BRD10: variants seen among roughly 807,000 people sequenced by gnomAD.
The protein encoded by BRD10 is bromodomain containing 10.
At chr9:5,927,744 G>C in the BRD10 span, among the ~76,000 whole-genome samples, 1 of 151,926 alleles carries the variant, frequency 6.6e-6, no homozygotes, top group Non-Finnish European at 1.5e-5. Context: ...CTATCTTCCT[G>C]TTTTACTGAG....
chr9:5,923,384 G>C, the BRD10 span: 5 of 1,154,768 alleles, frequency 4.3e-6, no homozygotes, highest in South Asian at 3.1e-5. Flanking sequence ...CTGTAAAAAA[G>C]AAAGTCAATC....
the BRD10 span, among the ~76,000 whole-genome samples, chr9:5,979,941 G>A: frequency 6.6e-6 from 1 of 151,092 alleles, no homozygotes; most frequent in South Asian, 2.1e-4. Flanking sequence ...CTTGAACCTG[G>A]GAGGTGGAGG....
the BRD10 span, chr9:5,921,398 G>C: frequency 6.2e-7 from 1 of 1,613,960 alleles, no homozygotes; most frequent in East Asian, 2.2e-5. Context: ...ATGCAATGGA[G>C]GAGGAAGAGT....
the BRD10 span, among the ~76,000 whole-genome samples, chr9:5,989,377 G>C: frequency 6.8e-6 from 1 of 147,916 alleles, no homozygotes; most frequent in African/African-American, 2.5e-5. Flanking sequence ...GCTGCAATGA[G>C]CTGAGATCGT....
the BRD10 span, among the ~76,000 whole-genome samples, chr9:5,974,779 A>ATATCTCTC: frequency 6.6e-6 from 1 of 152,208 alleles, no homozygotes; most frequent in Non-Finnish European, 1.5e-5. Flanking sequence ...ATTAGAGAAC[A>ATATCTCTC]TAGTGCCTGT....
the BRD10 span, among the ~76,000 whole-genome samples, chr9:5,996,183 G>T: frequency 1.1e-3 from 168 of 152,218 alleles, no homozygotes; most frequent in African/African-American, 4.0e-3. Context: ...AAAAATAAAT[G>T]TATTTATTCC....
chr9:5,968,351 A>G, the BRD10 span: 5 of 1,610,676 alleles, frequency 3.1e-6, no homozygotes, highest in Middle Eastern at 1.6e-4. Flanking sequence ...ACTGGGTTCA[A>G]TCTTTATTCT....
At chr9:5,909,781 A>G in the BRD10 span, 2 of 152,198 alleles carry the variant, frequency 1.3e-5, no homozygotes, top group East Asian at 3.8e-4. Flanking sequence ...AATCCCTCTC[A>G]CAAGAATGTG....
chr9:5,968,620 T>G, the BRD10 span: 5 of 1,613,784 alleles, frequency 3.1e-6, no homozygotes, highest in Middle Eastern at 1.6e-4. Context: ...TTTCCTGCTC[T>G]TTCTTGAAGG....
the BRD10 span, among the ~76,000 whole-genome samples, chr9:5,999,239 A>G: frequency 1.3e-5 from 2 of 152,098 alleles, no homozygotes; most frequent in African/African-American, 2.4e-5. Context: ...TCAAAGAAAC[A>G]AAACAACTAA....
the BRD10 span, among the ~76,000 whole-genome samples, chr9:5,967,707 A>AAC: frequency 7.3e-5 from 11 of 151,258 alleles, no homozygotes; most frequent in African/African-American, 1.2e-4. Flanking sequence ...AAAAAAAAAA[A>AAC]AAAACACACA....
At chr9:5,962,365 T>C in the BRD10 span, among the ~76,000 whole-genome samples, 14 of 112,088 alleles carry the variant, frequency 1.2e-4, no homozygotes, top group Non-Finnish European at 2.4e-4. Flanking sequence ...CAGGAAGAAG[T>C]TGAATCTCTG....
At chr9:6,002,205 C>G in the BRD10 span, among the ~76,000 whole-genome samples, 2 of 152,194 alleles carry the variant, frequency 1.3e-5, no homozygotes. Context: ...GCCCCCCAAA[C>G]CCTAGAACAA....
the BRD10 span, among the ~76,000 whole-genome samples, chr9:5,887,740 T>C: frequency 6.6e-6 from 1 of 152,218 alleles, no homozygotes; most frequent in East Asian, 1.9e-4. Context: ...TTCCCTGAGA[T>C]AGCCTCCACT....
At chr9:5,976,115 G>C in the BRD10 span, among the ~76,000 whole-genome samples, 1 of 152,076 alleles carries the variant, frequency 6.6e-6, no homozygotes, top group African/African-American at 2.4e-5. Flanking sequence ...CTGAGTCATG[G>C]GCTTGAAGTT....
the BRD10 span, among the ~76,000 whole-genome samples, chr9:5,932,199 TTAAC>T: frequency 1.9e-4 from 29 of 152,252 alleles, 1 homozygote; most frequent in Middle Eastern, 6.8e-3. Context: ...AATTAGGTCA[TTAAC>T]TAAAAGCTAC....
the BRD10 span, among the ~76,000 whole-genome samples, chr9:5,980,087 G>C: frequency 2.6e-5 from 4 of 151,954 alleles, no homozygotes; most frequent in African/African-American, 9.7e-5. Context: ...AATAAACAAG[G>C]TATACAAAAT....
chr9:5,930,684 T>C, the BRD10 span, among the ~76,000 whole-genome samples: 5 of 152,036 alleles, frequency 3.3e-5, no homozygotes, highest in South Asian at 4.1e-4. Context: ...AGAAAAAAAA[T>C]TCAAGAAAAG....
At chr9:5,923,095 A>G in the BRD10 span, 2 of 1,613,930 alleles carry the variant, frequency 1.2e-6, no homozygotes, top group Admixed American at 3.3e-5. Flanking sequence ...TCTGCACATC[A>G]CTTTCTAGAT....
Sources: allele counts gnomAD v4.1 joint callset (sites outside exome capture counted in the v4.1 genomes callset), GRCh38; gene constraint gnomAD v4.1.1; transcripts MANE v1.5; gene names NCBI Gene and HGNC (gene_info 2026-07-23, HGNC 2026-07-21).